KLHL32: variants seen among roughly 807,000 people sequenced by gnomAD.
KLHL32 encodes the protein kelch like family member 32.
In KLHL32, 35 loss-of-function variants were observed where a neutral mutation model predicts 64.8. That is an observed-to-expected ratio of 0.54 (90% CI 0.41 to 0.72). The LOEUF (loss-of-function observed/expected upper bound fraction) is 0.72. Ranked by LOEUF, KLHL32 falls within the 30% of genes least tolerant of loss-of-function variation. KLHL32 has a pLI of 0.00. For missense variants in KLHL32, 589 were observed against 768.5 expected, an observed-to-expected ratio of 0.77 and a Z score of 2.76; for synonymous variants, 259 against 281.0, an observed-to-expected ratio of 0.92 and a Z score of 0.78.
the KLHL32 span, among the ~76,000 whole-genome samples, chr6:96,908,279 G>A: frequency 2.6e-5 from 4 of 152,198 alleles, no homozygotes; most frequent in Non-Finnish European, 5.9e-5. Flanking sequence ...ACAAGCTGAT[G>A]TTAATTAACA....
chr6:97,048,429 G>A (rs986714112), intron 4 of KLHL32, among the ~76,000 whole-genome samples: 1 of 152,072 alleles, frequency 6.6e-6, no homozygotes, highest in African/African-American at 2.4e-5. Flanking sequence ...ATCTTTACAA[G>A]GAAATATTGT....
chr6:96,918,239 A>C, the KLHL32 span, among the ~76,000 whole-genome samples: 1 of 152,332 alleles, frequency 6.6e-6, no homozygotes, highest in East Asian at 1.9e-4. Flanking sequence ...GAGTTAACAG[A>C]GCTCATAGGT....
chr6:97,004,791 T>C (rs116219009), intron 3 of KLHL32, among the ~76,000 whole-genome samples: 4,833 of 152,276 alleles, frequency 0.032, 234 homozygotes, highest in African/African-American at 0.11. Context: ...GATTTGCATA[T>C]GGTGAACCAA....
intron 7 of KLHL32, among the ~76,000 whole-genome samples, chr6:97,126,265 C>A (rs921991309): frequency 1.3e-5 from 2 of 151,646 alleles, no homozygotes; most frequent in South Asian, 2.1e-4. Flanking sequence ...AGATAGATTT[C>A]TTTGGTCCCA....
chr6:97,025,082 A>G, intron 3 of KLHL32: 1 of 985,252 alleles, frequency 1.0e-6, no homozygotes, highest in Non-Finnish European at 1.2e-6. Context: ...CTTAAAAATT[A>G]GTGTTGAGCG....
At chr6:97,006,809 A>G (rs937249213) in intron 3 of KLHL32, among the ~76,000 whole-genome samples, 9 of 152,160 alleles carry the variant, frequency 5.9e-5, no homozygotes, top group African/African-American at 1.9e-4. Context: ...AGAATGCTGA[A>G]TATAGGCCCC....
At chr6:97,072,265 A>G (rs923470587) in intron 5 of KLHL32, among the ~76,000 whole-genome samples, 2 of 152,094 alleles carry the variant, frequency 1.3e-5, no homozygotes, top group African/African-American at 4.8e-5. Flanking sequence ...TCAGATCCAC[A>G]TTACTTATTT....
At chr6:96,942,990 G>A (rs1002110637) in intron 1 of KLHL32, among the ~76,000 whole-genome samples, 1 of 150,588 alleles carries the variant, frequency 6.6e-6, no homozygotes, top group African/African-American at 2.4e-5. Context: ...AGGGACTGTA[G>A]GCTAAAAGAG....
intron 3 of KLHL32, among the ~76,000 whole-genome samples, chr6:97,024,532 C>T (rs1458822458): frequency 6.6e-6 from 1 of 151,914 alleles, no homozygotes; most frequent in African/African-American, 2.4e-5. Context: ...CAAATGTTAC[C>T]TCTTTTTTAA....
intron 3 of KLHL32, among the ~76,000 whole-genome samples, chr6:96,989,705 C>CT (rs1777615972): frequency 1.3e-5 from 2 of 151,878 alleles, no homozygotes; most frequent in East Asian, 3.9e-4. Context: ...TTCCAAGTTG[C>CT]TTTTTCTCCC....
chr6:97,070,063 A>G (rs1207180439), intron 5 of KLHL32, among the ~76,000 whole-genome samples: 6 of 152,024 alleles, frequency 3.9e-5, no homozygotes, highest in Non-Finnish European at 8.8e-5. Flanking sequence ...ATTTTTCTTC[A>G]ACACTGAACC....
intron 3 of KLHL32, among the ~76,000 whole-genome samples, chr6:97,011,677 C>T (rs17057213): frequency 0.016 from 2,472 of 152,068 alleles, 31 homozygotes; most frequent in East Asian, 0.07. Flanking sequence ...ATTAAGCATC[C>T]GAGTCATTAC....
intron 4 of KLHL32, among the ~76,000 whole-genome samples, chr6:97,063,269 G>A (rs1026106245): frequency 1.3e-5 from 2 of 152,196 alleles, no homozygotes; most frequent in African/African-American, 2.4e-5. Context: ...ATTGAATTCC[G>A]AAACTATTTT....
At chr6:97,074,603 T>TA (rs113451263) in intron 5 of KLHL32, among the ~76,000 whole-genome samples, 55,806 of 144,880 alleles carry the variant, frequency 0.39, 11,026 homozygotes, top group East Asian at 0.46. Flanking sequence ...GTGAGGGATT[T>TA]AAAAAAAAAA....
chr6:96,912,364 C>T, the KLHL32 span, among the ~76,000 whole-genome samples: 6 of 152,282 alleles, frequency 3.9e-5, 1 homozygote, highest in South Asian at 1.2e-3. Context: ...CTTCTCAGTT[C>T]GTGCTTTCTC....
chr6:96,965,376 A>G (rs1260271961), intron 1 of KLHL32, among the ~76,000 whole-genome samples: 2 of 152,354 alleles, frequency 1.3e-5, no homozygotes, highest in East Asian at 3.9e-4. Flanking sequence ...TCTCCAAACG[A>G]TAAATGTCTG....
chr6:97,001,168 A>C (rs1252762972), intron 3 of KLHL32, among the ~76,000 whole-genome samples: 1 of 152,202 alleles, frequency 6.6e-6, no homozygotes, highest in East Asian at 1.9e-4. Context: ...ACCCTAACGT[A>C]AACTTTGGAT....
intron 7 of KLHL32, among the ~76,000 whole-genome samples, chr6:97,118,028 T>C (rs1377065393): frequency 2.6e-5 from 4 of 152,198 alleles, no homozygotes; most frequent in Non-Finnish European, 5.9e-5. Context: ...ATGAAATTAA[T>C]TTAGCAAACA....
intron 5 of KLHL32, among the ~76,000 whole-genome samples, chr6:97,083,114 G>T (rs1792829204): frequency 6.6e-6 from 1 of 152,124 alleles, no homozygotes; most frequent in Non-Finnish European, 1.5e-5. Flanking sequence ...GGGGAAGGCT[G>T]GGTGCCGTGG....
Sources: gnomAD v4.1 joint callset for allele counts (sites outside exome capture counted in the v4.1 genomes callset) on GRCh38, gnomAD v4.1.1 for gene constraint, MANE v1.5 for transcripts, NCBI Gene and HGNC (gene_info 2026-07-23, HGNC 2026-07-21) for gene names.